LRFN5: variants seen among roughly 807,000 people sequenced by gnomAD.
The protein encoded by LRFN5 is leucine-rich repeat and fibronectin type-III domain-containing protein 5.
A neutral mutation model predicts 45.6 loss-of-function variants in LRFN5; 24 were observed. That is an observed-to-expected ratio of 0.53 (90% CI 0.38 to 0.74). The LOEUF is 0.74. Ranked by LOEUF, LRFN5 falls within the 30% of genes least tolerant of loss-of-function variation. The pLI is 0.00. For synonymous variants in LRFN5, 340 were observed against 313.8 expected (o/e 1.08, Z -0.88); for missense variants, 776 against 861.5 (o/e 0.90, Z 1.24).
chr14:41,684,022 G>T (rs1252159969), intron 1 of LRFN5, among the ~76,000 whole-genome samples: 1 of 152,226 alleles, frequency 6.6e-6, no homozygotes, highest in East Asian at 1.9e-4. Context: ...AAAACTGGTG[G>T]AATCATATTA....
At chr14:41,746,672 C>T (rs1331343116) in intron 1 of LRFN5, among the ~76,000 whole-genome samples, 1 of 150,812 alleles carries the variant, frequency 6.6e-6, no homozygotes, top group African/African-American at 2.4e-5. Context: ...TTTAAAAAAG[C>T]AAAAATACAT....
intron 1 of LRFN5, among the ~76,000 whole-genome samples, chr14:41,624,064 T>C (rs1021906950): frequency 6.6e-6 from 1 of 152,144 alleles, no homozygotes; most frequent in African/African-American, 2.4e-5. Flanking sequence ...AAACAGTTCC[T>C]ACGCCTCTAC....
chr14:41,844,238 C>G (rs369651713), intron 2 of LRFN5, among the ~76,000 whole-genome samples: 15,804 of 151,852 alleles, frequency 0.1, 2,387 homozygotes, highest in African/African-American at 0.34. Flanking sequence ...GAGATCGAGA[C>G]CATCCTGGCT....
intron 1 of LRFN5, chr14:41,700,519 G>T (rs1384716928): frequency 2.6e-5 from 4 of 151,984 alleles, no homozygotes; most frequent in Non-Finnish European, 4.4e-5. Flanking sequence ...AAAACAGGAT[G>T]ATATGGGGTT....
chr14:41,669,981 T>C (rs1881091169), intron 1 of LRFN5, among the ~76,000 whole-genome samples: 1 of 127,960 alleles, frequency 7.8e-6, no homozygotes, highest in African/African-American at 3.3e-5. Flanking sequence ...GTTAAAAATA[T>C]AGTTAAAAAT....
chr14:41,705,054 T>C (rs183053563), intron 1 of LRFN5, among the ~76,000 whole-genome samples: 1 of 152,310 alleles, frequency 6.6e-6, no homozygotes, highest in African/African-American at 2.4e-5. Context: ...ACTGGTTCAC[T>C]TGTTTGTTTC....
intron 1 of LRFN5, among the ~76,000 whole-genome samples, chr14:41,619,009 A>T (rs1426743469): frequency 6.6e-6 from 1 of 151,578 alleles, no homozygotes; most frequent in Non-Finnish European, 1.5e-5. Flanking sequence ...TCATTGTATT[A>T]GAGAAGCTTC....
intron 3 of LRFN5, among the ~76,000 whole-genome samples, chr14:41,890,053 G>A (rs1008722478): frequency 6.6e-6 from 1 of 151,854 alleles, no homozygotes. Flanking sequence ...TATTAGAGAC[G>A]GTGTTTCACC....
chr14:41,735,479 T>C (rs1424452779), intron 1 of LRFN5, among the ~76,000 whole-genome samples: 1 of 152,104 alleles, frequency 6.6e-6, no homozygotes, highest in Non-Finnish European at 1.5e-5. Context: ...CCTATGTTGC[T>C]CAGGCTGGTC....
At chr14:41,623,518 A>G (rs141981283) in intron 1 of LRFN5, among the ~76,000 whole-genome samples, 1 of 152,172 alleles carries the variant, frequency 6.6e-6, no homozygotes, top group African/African-American at 2.4e-5. Flanking sequence ...TCAGCAAAGT[A>G]ATCAAACACA....
intron 2 of LRFN5, among the ~76,000 whole-genome samples, chr14:41,801,745 T>G (rs1303972956): frequency 2.6e-5 from 4 of 152,172 alleles, no homozygotes; most frequent in Admixed American, 2.6e-4. Flanking sequence ...TTTGAGTGAT[T>G]GGTAGTAACT....
intron 2 of LRFN5, among the ~76,000 whole-genome samples, chr14:41,838,509 C>A (rs1260094233): frequency 6.6e-6 from 1 of 152,118 alleles, no homozygotes; most frequent in Admixed American, 6.6e-5. Flanking sequence ...AACAGATGAA[C>A]CTTAAGCAGA....
rs550240894 is a variant in LRFN5 at position 41,799,775 on chromosome 14, G to A, written c.-21+32746G>A. Among the ~76,000 whole-genome samples, 3 of 152,092 alleles carry A rather than the reference G, an allele frequency of 2.0e-5. No individual in the cohort carries two copies. In the South Asian group the frequency reaches 6.2e-4, roughly 32 times the overall value. ...TCTGTCCTTTGGAATTGGAAGTTGAGGAAGTGTGGCTCTTGCTGCTGTTTT... is the reference window on the plus strand; with the variant it reads ...TCTGTCCTTTGGAATTGGAAGTTGAAGAAGTGTGGCTCTTGCTGCTGTTTT... On this transcript the variant is annotated intron_variant, in intron 2 of 5. Coordinates refer to ENST00000298119, the MANE Select transcript of LRFN5 (RefSeq NM_152447.5).
chr14:41,614,357 G>A (rs1420921271), intron 1 of LRFN5, among the ~76,000 whole-genome samples: 1 of 151,982 alleles, frequency 6.6e-6, no homozygotes. Context: ...CTAACTTTAA[G>A]TGAAAAGTTT....
In LRFN5 at chr14:41,750,930, A is replaced by G. The variant is rs762570363; in HGVS notation, c.-196-15924A>G. Among the ~76,000 whole-genome samples, 61 of 152,058 alleles carry G rather than the reference A, an allele frequency of 4.0e-4. 2 individuals carry two copies. Among genetic ancestry groups the G allele is most frequent in the Non-Finnish European group, 2.2e-4 (15 of 68,012 alleles). On this transcript the variant is annotated intron_variant, in intron 1 of 5. Coordinates refer to ENST00000298119, the MANE Select transcript of LRFN5 (RefSeq NM_152447.5). The stretch of plus-strand genomic sequence containing the variant: ...GTTGGTTTGCTGCACCCATCAACCC[A>G]TCATCTACATTAGGTATTTCTCCTA...
Position 41,856,675 on chromosome 14 carries a change from A to ATTTTTTTTTTTTTTTTTTTTTTT in LRFN5, c.-20-29912_-20-29911insTTTTTTTTTTTTTTTTTTTTTTT. On this transcript the variant is annotated intron_variant, in intron 2 of 5. Transcript: ENST00000298119. ...TTCTTTCCTAATTATTATTATTATT[A>ATTTTTTTTTTTTTTTTTTTTTTT]TTTTTTTTTTTTTTTTTTTGAGACG... Among the ~76,000 whole-genome samples the ATTTTTTTTTTTTTTTTTTTTTTT allele has an allele frequency of 8.2e-4, 15 of 18,336 alleles. 3 individuals are homozygous for ATTTTTTTTTTTTTTTTTTTTTTT. The highest frequency in any genetic ancestry group is 1.5e-3 in the Non-Finnish European group (12 of 7,822). The allele number at this position is 18,336 out of a possible 152,430, so 12.0% of individuals were successfully genotyped here.
In LRFN5 at chr14:41,889,335, G is replaced by A. The variant is rs543607366; in HGVS notation, c.1385+1325G>A. Among the ~76,000 whole-genome samples, 50 of 151,734 alleles carry A rather than the reference G, an allele frequency of 3.3e-4. 2 individuals are homozygous for A. Among genetic ancestry groups the A allele is most frequent in the African/African-American group, 9.2e-4 (38 of 41,380 alleles). Reference sequence around the variant, plus strand: ...CTATATGGCTGAGTTTCAATTCCTCGTCATTACAAGGGAGAAATTAGACTA... The same window carrying A: ...CTATATGGCTGAGTTTCAATTCCTCATCATTACAAGGGAGAAATTAGACTA... On this transcript the variant is annotated intron_variant, in intron 3 of 5. Coordinates refer to ENST00000298119, the MANE Select transcript of LRFN5 (RefSeq NM_152447.5).
intron 2 of LRFN5, among the ~76,000 whole-genome samples, chr14:41,854,513 GAAAAA>G (rs1594467974): frequency 6.6e-6 from 1 of 151,740 alleles, no homozygotes; most frequent in African/African-American, 2.4e-5. Flanking sequence ...AAAAAGAAAA[GAAAAA>G]AAGAAATGAC....
Position 41,887,296 on chromosome 14 carries a change from C to A in LRFN5, c.671C>A (p.Thr224Asn). The A allele has an allele frequency of 6.2e-7, 1 of 1,614,178 alleles. No homozygotes were observed. Among genetic ancestry groups the A allele is most frequent in the Non-Finnish European group, 8.5e-7 (1 of 1,180,042 alleles). Residue 224 changes from threonine to asparagine, a missense_variant, in exon 3 of 6, where the codon ACC becomes AAC. By Grantham distance (65) the Thr-to-Asn change is moderately conservative (BLOSUM62 0). Transcript: ENST00000298119. The surrounding 1 kb of genome is among the most constrained non-coding windows in gnomAD (Gnocchi z 4.8). ...TTTCAGCGAGCTCAGGTACTAGCAA[C>A]CTCAGGAATCATAAGCCCATCTACT... ...PLFQRAQVLA[T>N]SGIISPSTFA...
Sources: allele counts gnomAD v4.1 joint callset (sites outside exome capture counted in the v4.1 genomes callset), GRCh38; gene constraint gnomAD v4.1.1; non-coding constraint Gnocchi (gnomAD v3.1); transcripts MANE v1.5; gene names NCBI Gene and HGNC (gene_info 2026-07-23, HGNC 2026-07-21).